PHF2: variants seen among roughly 807,000 people sequenced by gnomAD.
PHF2 encodes the protein PHD finger protein 2, also known as lysine-specific demethylase PHF2.
PHF2 carries 27 observed loss-of-function variants against 120.5 expected under a neutral mutation model. The observed-to-expected ratio is 0.22, with a 90% CI of 0.17 to 0.31. PHF2 has a LOEUF of 0.31. Among genes scored for constraint, PHF2 ranks in the 10% least tolerant of loss-of-function variants. PHF2 has a pLI of 1.00. For synonymous variants in PHF2, 568 were observed against 592.5 expected, an observed-to-expected ratio of 0.96 and a Z score of 0.60; for missense variants, 1,024 against 1,434.8, an observed-to-expected ratio of 0.71 and a Z score of 4.63.
chr9:93,642,232 A>G (rs376259996), intron 3 of PHF2, among the ~76,000 whole-genome samples: 78 of 152,350 alleles, frequency 5.1e-4, no homozygotes, highest in African/African-American at 1.8e-3. Context: ...TTGTTCTTTT[A>G]AAAGACTGTT....
intron 2 of PHF2, among the ~76,000 whole-genome samples, chr9:93,632,240 A>G (rs1421182362): frequency 6.6e-6 from 1 of 152,212 alleles, no homozygotes; most frequent in African/African-American, 2.4e-5. Context: ...TCCTACGGCC[A>G]GCTGCCCAGG....
chr9:93,622,798 G>C (rs1211841709), intron 1 of PHF2, among the ~76,000 whole-genome samples: 2 of 152,198 alleles, frequency 1.3e-5, no homozygotes, highest in Non-Finnish European at 2.9e-5. Context: ...CTTGTCCCCA[G>C]AACAGGCATG....
At chr9:93,581,402 G>A (rs1480830222) in intron 1 of PHF2, among the ~76,000 whole-genome samples, 1 of 152,170 alleles carries the variant, frequency 6.6e-6, no homozygotes, top group African/African-American at 2.4e-5. Context: ...AACCTCAAAT[G>A]CCGGGGAGTA....
intron 1 of PHF2, among the ~76,000 whole-genome samples, chr9:93,610,861 T>A (rs1310794268): frequency 6.6e-6 from 1 of 152,138 alleles, no homozygotes; most frequent in East Asian, 1.9e-4. Context: ...TCCCTGTGCA[T>A]TGGGCCTCCT....
intron 12 of PHF2, among the ~76,000 whole-genome samples, chr9:93,661,517 G>A (rs112401922): frequency 0.062 from 9,363 of 152,200 alleles, 399 homozygotes; most frequent in Non-Finnish European, 0.089. Flanking sequence ...ATGGATTAAC[G>A]AATGGATGAA....
intron 1 of PHF2, among the ~76,000 whole-genome samples, chr9:93,608,176 A>T (rs1478481123): frequency 7.2e-5 from 11 of 152,046 alleles, no homozygotes; most frequent in Admixed American, 1.3e-4. Flanking sequence ...TCCTGATCTC[A>T]GTGGGAAAGC....
chr9:93,633,481 G>A lies in PHF2; in HGVS notation c.185-2930G>A, dbSNP rs578066370. 1.3e-4 allele frequency among the ~76,000 whole-genome samples: 20 copies of A among 152,362 alleles called. No homozygotes were observed. The East Asian group carries it at 3.9e-3, about 29-fold the overall frequency. ...TTCCTCATCCCGCCCTGCCCTGTGG[G>A]GTTGGGGTGACTCTGCTCAGCAGTT... On this transcript the variant is annotated intron_variant, in intron 2 of 21. Coordinates refer to ENST00000359246, the MANE Select transcript of PHF2 (RefSeq NM_005392.4).
At chr9:93,618,619 TAAC>T (rs1488761235) in intron 1 of PHF2, among the ~76,000 whole-genome samples, 1 of 152,274 alleles carries the variant, frequency 6.6e-6, no homozygotes, top group African/African-American at 2.4e-5. Context: ...GTTCTTCACT[TAAC>T]AATATATTTT....
intron 3 of PHF2, among the ~76,000 whole-genome samples, chr9:93,640,708 T>C (rs941715764): frequency 6.6e-6 from 1 of 152,204 alleles, no homozygotes; most frequent in Non-Finnish European, 1.5e-5. Context: ...CTGAGTCTTC[T>C]TCGGATGCTT....
chr9:93,649,325 G>A, intron 5 of PHF2, 113 bp downstream of exon 5: 1 of 680,242 alleles, frequency 1.5e-6, no homozygotes, highest in South Asian at 2.1e-5. Flanking sequence ...CTGGAATACT[G>A]CACATGGCAC....
At chr9:93,628,938 C>T (rs1319820030) in intron 1 of PHF2, among the ~76,000 whole-genome samples, 1 of 152,062 alleles carries the variant, frequency 6.6e-6, no homozygotes, top group Non-Finnish European at 1.5e-5. Flanking sequence ...ATTCTGTTGC[C>T]CAGGCTGGAG....
At chr9:93,619,520 T>G (rs1587686525) in intron 1 of PHF2, among the ~76,000 whole-genome samples, 1 of 152,204 alleles carries the variant, frequency 6.6e-6, no homozygotes, top group South Asian at 2.1e-4. Context: ...ACCAGGCTGG[T>G]GCTCAGATGG....
At position 93,678,333 on chromosome 9, in the gene PHF2, C is replaced by T. The variant is rs115526324; in HGVS notation, c.*657C>T. On this transcript the variant is annotated 3_prime_UTR_variant, in exon 22 of 22. Coordinates refer to ENST00000359246, the MANE Select transcript of PHF2 (RefSeq NM_005392.4). ...ACTGGCAGCTGGGTTGGTGTGTTAG[C>T]GGGCAGGGGAGCCATTGTGGGGTCC... 2,626 of 152,592 alleles carry T rather than the reference C, an allele frequency of 0.017. 58 individuals carry two copies. The highest frequency in any genetic ancestry group is 0.057 in the African/African-American group (2,354 of 41,510). The allele number at this position is 152,592 out of a possible 1,614,324, so 9.5% of individuals were successfully genotyped here.
intron 1 of PHF2, among the ~76,000 whole-genome samples, chr9:93,605,975 G>GT (rs1407191012): frequency 1.3e-5 from 2 of 151,288 alleles, no homozygotes; most frequent in Admixed American, 6.6e-5. Context: ...TTAGTTTTGG[G>GT]TTTTTTTTCT....
intron 1 of PHF2, among the ~76,000 whole-genome samples, chr9:93,606,197 T>C (rs1459256045): frequency 6.6e-6 from 1 of 152,186 alleles, no homozygotes; most frequent in Non-Finnish European, 1.5e-5. Context: ...CTTGAACTCC[T>C]GAGCTCAAGC....
intron 1 of PHF2, among the ~76,000 whole-genome samples, chr9:93,628,659 C>A (rs1273582351): frequency 6.6e-6 from 1 of 152,140 alleles, no homozygotes; most frequent in African/African-American, 2.4e-5. Flanking sequence ...GCTTGCTGCC[C>A]TGACCCCCTG....
rs528361390 is a variant in PHF2, at chr9:93,663,747, C to G, written c.1937+112C>G. The stretch of plus-strand genomic sequence containing the variant: ...ATACCACACACACATTACACACACA[C>G]TATGCATGCACTCTGCATCTCACAC... On this transcript the variant is annotated intron_variant, in intron 14 of 21. Coordinates refer to ENST00000359246, the MANE Select transcript of PHF2 (RefSeq NM_005392.4). The G allele has an allele frequency of 6.1e-6, 4 of 650,678 alleles. No homozygotes were observed. The African/African-American group carries it at 7.7e-5, about 13-fold the overall frequency. 40.3% of individuals were successfully genotyped at this position (650,678 alleles called of 1,614,324 possible).
At chr9:93,630,101 C>T (rs747700456) in intron 2 of PHF2, 46 bp downstream of exon 2, 1 of 1,574,460 alleles carries the variant, frequency 6.4e-7, no homozygotes, top group South Asian at 1.1e-5. Flanking sequence ...AAGAGAGCAG[C>T]ATCCACCCTG....
rs538539471 is a variant in PHF2, at chr9:93,597,566, G to A, written c.98+20695G>A. 5.9e-5 allele frequency among the ~76,000 whole-genome samples: 9 copies of A among 152,256 alleles called. 1 individual carries two copies. In the South Asian group the frequency reaches 1.9e-3, roughly 32 times the overall value. The stretch of plus-strand genomic sequence containing the variant: ...GGGGTGGCATTGGGGGCAGGCAGTG[G>A]GACATTGGTCCACAGCATGGCTATG... On this transcript the variant is annotated intron_variant, in intron 1 of 21. Transcript: ENST00000359246.
Sources: gnomAD v4.1 joint callset for allele counts (sites outside exome capture counted in the v4.1 genomes callset) on GRCh38, gnomAD v4.1.1 for gene constraint, MANE v1.5 for transcripts, NCBI Gene and HGNC (gene_info 2026-07-23, HGNC 2026-07-21) for gene names.